MGAT4C: variants seen among roughly 807,000 people sequenced by gnomAD.
MGAT4C encodes the protein MGAT4 family member C, also known as alpha-1,3-mannosyl-glycoprotein 4-beta-N-acetylglucosaminyltransferase C.
In MGAT4C, 19 loss-of-function variants were observed where a neutral mutation model predicts 40.1. The ratio of observed to expected loss-of-function variants is 0.47; its 90% CI spans 0.33 to 0.70. MGAT4C has a LOEUF of 0.70. MGAT4C is among the 30% of genes least tolerant of loss of function. MGAT4C has a pLI of 0.02. For missense variants in MGAT4C, 491 were observed against 563.2 expected, an observed-to-expected ratio of 0.87 and a Z score of 1.30; for synonymous variants, 181 against 187.1, an observed-to-expected ratio of 0.97 and a Z score of 0.27.
At chr12:86,039,150 A>T (rs1555211290) in intron 2 of MGAT4C, among the ~76,000 whole-genome samples, 5 of 151,430 alleles carry the variant, frequency 3.3e-5, no homozygotes, top group Non-Finnish European at 7.4e-5. Context: ...TGCCCTTAAT[A>T]TTTTTTTCCT....
chr12:85,966,072 G>A lies in MGAT4C; in HGVS notation c.*13217C>T, dbSNP rs535864617. ...CTATTATGAGACATTTTATATTATGGTTATTTACTGTAATTGCATCCAAAA... is the reference window on the plus strand; with the variant it reads ...CTATTATGAGACATTTTATATTATGATTATTTACTGTAATTGCATCCAAAA... On this transcript the variant is annotated 3_prime_UTR_variant, in exon 5 of 5. Transcript: ENST00000611864. The A allele has an allele frequency of 6.6e-6, 1 of 152,184 alleles. No homozygotes were observed. Among genetic ancestry groups the A allele is most frequent in the South Asian group, 2.1e-4 (1 of 4,828 alleles). The allele number at this position is 152,184 out of a possible 1,614,324, so 9.4% of individuals were successfully genotyped here.
chr12:86,432,192 A>ATG (rs1384324553), intron 3 of MGAT4C, among the ~76,000 whole-genome samples: 2 of 152,152 alleles, frequency 1.3e-5, no homozygotes. Flanking sequence ...CAAGAAAATA[A>ATG]TGTAACTACC....
chr12:86,082,880 CT>C (rs1172097499), intron 1 of MGAT4C, among the ~76,000 whole-genome samples: 1 of 151,418 alleles, frequency 6.6e-6, no homozygotes, highest in Non-Finnish European at 1.5e-5. Context: ...TCAAGAATAC[CT>C]TTTATTTAAA....
At chr12:86,625,425 T>A (rs1331778937) in intron 2 of MGAT4C, among the ~76,000 whole-genome samples, 1 of 152,084 alleles carries the variant, frequency 6.6e-6, no homozygotes, top group Non-Finnish European at 1.5e-5. Context: ...TAGAAGTTAT[T>A]AAAAACAATA....
intron 1 of MGAT4C, among the ~76,000 whole-genome samples, chr12:86,826,891 A>T (rs1952819601): frequency 6.6e-6 from 1 of 151,424 alleles, no homozygotes; most frequent in African/African-American, 2.4e-5. Context: ...TACAAAGAAA[A>T]ATAAAATTTT....
At chr12:86,579,224 T>C (rs1181407689) in intron 2 of MGAT4C, among the ~76,000 whole-genome samples, 6 of 151,404 alleles carry the variant, frequency 4.0e-5, no homozygotes, top group Non-Finnish European at 4.4e-5. Flanking sequence ...GGTCTTCTCT[T>C]CCTCCTTTCT....
At chr12:86,052,725 T>G (rs927822236) in intron 1 of MGAT4C, among the ~76,000 whole-genome samples, 9 of 151,918 alleles carry the variant, frequency 5.9e-5, no homozygotes, top group African/African-American at 2.2e-4. Flanking sequence ...TCCCTTTATA[T>G]AGTTCTTGAT....
chr12:86,206,909 T>A (rs1427063528), intron 1 of MGAT4C, among the ~76,000 whole-genome samples: 2 of 152,162 alleles, frequency 1.3e-5, no homozygotes, highest in African/African-American at 4.8e-5. Flanking sequence ...TTTCTTCCTT[T>A]TTAATAAACA....
At chr12:86,303,763 C>A (rs911585975) in intron 4 of MGAT4C, among the ~76,000 whole-genome samples, 1 of 150,462 alleles carries the variant, frequency 6.6e-6, no homozygotes, top group South Asian at 2.1e-4. Context: ...GATTAATACA[C>A]TAATTTCATT....
intron 2 of MGAT4C, among the ~76,000 whole-genome samples, chr12:86,488,598 G>A (rs1408111859): frequency 6.6e-6 from 1 of 152,054 alleles, no homozygotes; most frequent in African/African-American, 2.4e-5. Flanking sequence ...ATGGCTTGAA[G>A]AGTTTCAGTG....
intron 2 of MGAT4C, among the ~76,000 whole-genome samples, chr12:86,685,822 G>C (rs190292162): frequency 6.6e-6 from 1 of 151,156 alleles, no homozygotes; most frequent in Non-Finnish European, 1.5e-5. Flanking sequence ...TCATTATTTG[G>C]CTCTCTGTTT....
At chr12:86,364,568 G>A (rs566549767) in intron 3 of MGAT4C, among the ~76,000 whole-genome samples, 9 of 152,124 alleles carry the variant, frequency 5.9e-5, no homozygotes, top group East Asian at 1.9e-4. Flanking sequence ...TCTCCCTATC[G>A]GGGGAAATTC....
At chr12:86,097,279 G>A (rs1265530984) in intron 1 of MGAT4C, among the ~76,000 whole-genome samples, 2 of 151,600 alleles carry the variant, frequency 1.3e-5, no homozygotes, top group Non-Finnish European at 3.0e-5. Flanking sequence ...TAAGAGGAAA[G>A]TTGTAAGGAG....
intron 3 of MGAT4C, among the ~76,000 whole-genome samples, chr12:86,376,912 G>C (rs575103263): frequency 6.6e-6 from 1 of 151,906 alleles, no homozygotes; most frequent in Non-Finnish European, 1.5e-5. Flanking sequence ...ATTGAAAGGA[G>C]AGATACATCT....
At chr12:86,233,542 A>C (rs1017651230) in intron 1 of MGAT4C, among the ~76,000 whole-genome samples, 4 of 152,096 alleles carry the variant, frequency 2.6e-5, no homozygotes, top group Non-Finnish European at 4.4e-5. Flanking sequence ...GTTGGACTTG[A>C]TATTTTGTTG....
chr12:86,731,526 A>AT (rs1233614108), intron 1 of MGAT4C, among the ~76,000 whole-genome samples: 1 of 150,940 alleles, frequency 6.6e-6, no homozygotes. Flanking sequence ...CCCTTTTCTT[A>AT]TTTTTTTTCA....
chr12:86,442,281 C>G (rs898530714), intron 2 of MGAT4C, among the ~76,000 whole-genome samples: 3 of 151,980 alleles, frequency 2.0e-5, no homozygotes, highest in African/African-American at 4.8e-5. Flanking sequence ...CATTTTCCTC[C>G]CATTCTGTAG....
At chr12:86,090,728 G>A (rs1010484113) in intron 1 of MGAT4C, among the ~76,000 whole-genome samples, 2 of 151,836 alleles carry the variant, frequency 1.3e-5, no homozygotes, top group African/African-American at 4.8e-5. Context: ...AAGCCACAGT[G>A]AGCTTGGACT....
At chr12:86,440,436 T>C (rs1162246693) in intron 2 of MGAT4C, among the ~76,000 whole-genome samples, 1 of 151,990 alleles carries the variant, frequency 6.6e-6, no homozygotes, top group East Asian at 1.9e-4. Context: ...CATCCCTTTA[T>C]GATAAAAACT....
Sources: allele counts gnomAD v4.1 joint callset (sites outside exome capture counted in the v4.1 genomes callset), GRCh38; gene constraint gnomAD v4.1.1; transcripts MANE v1.5; gene names NCBI Gene and HGNC (gene_info 2026-07-23, HGNC 2026-07-21).